Variants in PCDH17 observed in about 807,000 individuals in gnomAD.
PCDH17 encodes protocadherin-17.
PCDH17 carries 21 observed loss-of-function variants against 67.7 expected under a neutral mutation model. The ratio of observed to expected loss-of-function variants is 0.31; its 90% CI spans 0.22 to 0.45. The LOEUF (loss-of-function observed/expected upper bound fraction) is 0.45, where lower values mean the gene tolerates loss of function less well. Among genes scored for constraint, PCDH17 ranks in the 20% least tolerant of loss-of-function variants. The pLI is 1.00. For missense variants in PCDH17, 1,471 were observed against 1,564.8 expected, an observed-to-expected ratio of 0.94 and a Z score of 1.01; for synonymous variants, 701 against 656.7, an observed-to-expected ratio of 1.07 and a Z score of -1.03.
At chr13:57,699,009 T>A (rs1955637626) in intron 3 of PCDH17, among the ~76,000 whole-genome samples, 1 of 152,022 alleles carries the variant, frequency 6.6e-6, no homozygotes, top group Non-Finnish European at 1.5e-5. Flanking sequence ...AGCTCCATTT[T>A]GACAACTGTT....
chr13:57,711,127 C>A (rs1369590993), intron 3 of PCDH17, among the ~76,000 whole-genome samples: 1 of 151,928 alleles, frequency 6.6e-6, no homozygotes, highest in Non-Finnish European at 1.5e-5. Flanking sequence ...TCAAGGGTAT[C>A]ATTTATACCA....
chr13:57,697,159 T>C (rs576610243), intron 3 of PCDH17, among the ~76,000 whole-genome samples: 1 of 151,726 alleles, frequency 6.6e-6, no homozygotes, highest in East Asian at 1.9e-4. Flanking sequence ...TGCATGAGCT[T>C]GTTTTCATTA....
intron 3 of PCDH17, among the ~76,000 whole-genome samples, chr13:57,699,556 T>G (rs1161741169): frequency 6.6e-6 from 1 of 152,042 alleles, no homozygotes; most frequent in Admixed American, 6.6e-5. Context: ...TTACCTATTG[T>G]TCTTTACTAG....
At chr13:57,676,835 T>A (rs936144702) in intron 3 of PCDH17, among the ~76,000 whole-genome samples, 4 of 151,914 alleles carry the variant, frequency 2.6e-5, no homozygotes, top group African/African-American at 9.7e-5. Context: ...ATACTGCTGT[T>A]TCTATTTAAA....
At chr13:57,677,056 G>T (rs1168429637) in intron 3 of PCDH17, among the ~76,000 whole-genome samples, 1 of 151,786 alleles carries the variant, frequency 6.6e-6, no homozygotes, top group African/African-American at 2.4e-5. Flanking sequence ...TGTCTTAGTT[G>T]TTATGTTGAA....
chr13:57,680,293 T>G (rs1955436462), intron 3 of PCDH17, among the ~76,000 whole-genome samples: 1 of 151,424 alleles, frequency 6.6e-6, no homozygotes, highest in African/African-American at 2.4e-5. Context: ...TTACAAAAAC[T>G]GAGAGTAATT....
At position 57,709,384 on chromosome 13, in the gene PCDH17, C is replaced by A. The variant is rs1955753766; in HGVS notation, c.2798-15228C>A. Among the ~76,000 whole-genome samples the A allele has an allele frequency of 2.6e-5, 4 of 151,730 alleles. No homozygotes were observed. In the Admixed American group the frequency reaches 2.6e-4, roughly 10 times the overall value. ...TATTTAAGGTTAATGAATGCATCAT[C>A]ATCATGAGTGTATTTCTTCCATGGA... On this transcript the variant is annotated intron_variant, in intron 3 of 3. Coordinates refer to ENST00000377918, the MANE Select transcript of PCDH17 (RefSeq NM_001040429.3).
At chr13:57,652,535 A>G (rs1955055272) in intron 1 of PCDH17, among the ~76,000 whole-genome samples, 1 of 152,198 alleles carries the variant, frequency 6.6e-6, no homozygotes, top group Non-Finnish European at 1.5e-5. Context: ...AGTCTTCTAT[A>G]TAAATTGTGA....
At chr13:57,630,128 G>C (rs547451186), upstream of PCDH17, among the ~76,000 whole-genome samples, 1 of 152,332 alleles carries the variant, frequency 6.6e-6, no homozygotes, top group East Asian at 1.9e-4. Flanking sequence ...AGACGCTGGG[G>C]AGAGAGCAGG....
chr13:57,724,951 C>G lies in PCDH17; in HGVS notation c.3137C>G (p.Pro1046Arg). 9.9e-6 allele frequency: 16 copies of G among 1,614,202 alleles called. No individual in the cohort carries two copies. Among genetic ancestry groups the G allele is most frequent in the Non-Finnish European group, 1.4e-5 (16 of 1,180,026 alleles). ...SSSPTKACIE[P>R]CTSTKGSLDG... Reference sequence around the variant, plus strand: ...AGCCCAACCAAGGCGTGCATCGAGCCTTGCACCTCAACAAAAGGCTCCCTG... The same window carrying G: ...AGCCCAACCAAGGCGTGCATCGAGCGTTGCACCTCAACAAAAGGCTCCCTG... Residue 1046 changes from proline to arginine, a missense_variant, in exon 4 of 4, where the codon CCT (proline) becomes CGT (arginine). Physicochemically the swap from Pro to Arg is moderately radical, Grantham distance 103. Coordinates refer to ENST00000377918, the MANE Select transcript of PCDH17 (RefSeq NM_001040429.3).
Position 57,634,975 on chromosome 13 carries a change from G to C in PCDH17, c.2429G>C (p.Arg810Pro), listed in dbSNP as rs370112432. The change falls in exon 1 of 4, where the codon CGG becomes CCG. Residue 810 changes from arginine to proline, a missense_variant. This residue lies in a region of PCDH17 where 1,163 missense variants were observed against 1,230.0 expected (regional missense o/e 0.95). Coordinates refer to ENST00000377918, the MANE Select transcript of PCDH17 (RefSeq NM_001040429.3). This position sits in a 1 kb window ranked among gnomAD's most constrained non-coding sequence, Gnocchi z 7.8. Reference sequence around the variant, plus strand: ...ACCCGCCTGCCCCTCAGCTCGCCCCGGTCGGAGGTGATGTATCTCAAACCG... The same window carrying C: ...ACCCGCCTGCCCCTCAGCTCGCCCCCGTCGGAGGTGATGTATCTCAAACCG... ...YQTRLPLSSP[R>P]SEVMYLKPAS... The C allele has an allele frequency of 3.1e-6, 5 of 1,613,752 alleles. No homozygotes were observed. Among genetic ancestry groups the C allele is most frequent in the Admixed American group, 1.7e-5 (1 of 60,000 alleles).
intron 3 of PCDH17, among the ~76,000 whole-genome samples, chr13:57,677,367 T>C (rs1825131104): frequency 6.6e-6 from 1 of 151,864 alleles, no homozygotes; most frequent in Admixed American, 6.6e-5. Flanking sequence ...GATAGAATAC[T>C]AATACTTATT....
chr13:57,689,191 A>G (rs995631974), intron 3 of PCDH17, among the ~76,000 whole-genome samples: 1 of 152,090 alleles, frequency 6.6e-6, no homozygotes, highest in African/African-American at 2.4e-5. Flanking sequence ...AGTACATTGT[A>G]GAAGGGGTAG....
At chr13:57,686,470 TG>T (rs998714845) in intron 3 of PCDH17, among the ~76,000 whole-genome samples, 2 of 151,952 alleles carry the variant, frequency 1.3e-5, no homozygotes, top group East Asian at 3.9e-4. Flanking sequence ...ACAAACAAAT[TG>T]TAGGAGAGCA....
At chr13:57,635,416 T>C (rs1424846689) in intron 1 of PCDH17, among the ~76,000 whole-genome samples, 1 of 152,240 alleles carries the variant, frequency 6.6e-6, no homozygotes, top group African/African-American at 2.4e-5. Flanking sequence ...CTTTTATTTG[T>C]TGGTTTACAT....
Position 57,724,955 on chromosome 13 carries a change from C to T in PCDH17, c.3141C>T (p.Cys1047=), listed in dbSNP as rs757380699. ...CAACCAAGGCGTGCATCGAGCCTTG[C>T]ACCTCAACAAAAGGCTCCCTGGATG... is the stretch of plus-strand genomic sequence containing the variant. The part of the protein sequence containing the change: ...SSPTKACIEP[C]TSTKGSLDGC... Residue 1047 remains cysteine (C), a synonymous_variant, in exon 4 of 4, where the codon TGC becomes TGT. Coordinates refer to ENST00000377918, the MANE Select transcript of PCDH17 (RefSeq NM_001040429.3). The T allele has an allele frequency of 1.6e-5, 26 of 1,614,082 alleles. No individual in the cohort carries two copies. The highest frequency in any genetic ancestry group is 6.7e-5 in the East Asian group (3 of 44,880).
chr13:57,706,743 C>G (rs1408043280), intron 3 of PCDH17, among the ~76,000 whole-genome samples: 1 of 152,126 alleles, frequency 6.6e-6, no homozygotes, highest in Non-Finnish European at 1.5e-5. Context: ...TAGATCCTTC[C>G]TCAGTAACTC....
chr13:57,674,817 G>A (rs1305307194), intron 3 of PCDH17, among the ~76,000 whole-genome samples: 1 of 151,882 alleles, frequency 6.6e-6, no homozygotes, highest in Non-Finnish European at 1.5e-5. Context: ...TTCATTTTGA[G>A]AGCATGTTCC....
intron 1 of PCDH17, among the ~76,000 whole-genome samples, chr13:57,665,277 T>G (rs1955236923): frequency 2.0e-5 from 3 of 152,306 alleles, no homozygotes; most frequent in African/African-American, 7.2e-5. Flanking sequence ...ATCAATACTT[T>G]ATATTACTTA....
Sources: allele counts gnomAD v4.1 joint callset (sites outside exome capture counted in the v4.1 genomes callset), GRCh38; gene constraint gnomAD v4.1.1; regional missense constraint gnomAD v4.1.1; non-coding constraint Gnocchi (gnomAD v3.1); transcripts MANE v1.5; gene names NCBI Gene and HGNC (gene_info 2026-07-23, HGNC 2026-07-21).